The following DENND4C variants were observed in gnomAD, a reference collection of about 807,000 sequenced individuals.
The protein encoded by DENND4C is DENN domain-containing protein 4C.
Under a neutral mutation model 203.0 loss-of-function variants are expected in DENND4C, and 108 were observed. The ratio of observed to expected loss-of-function variants is 0.53; its 90% CI spans 0.46 to 0.62. DENND4C has a LOEUF of 0.62. Among genes scored for constraint, DENND4C ranks in the 20% least tolerant of loss-of-function variants. DENND4C has a pLI of 0.00. For missense variants in DENND4C, 2,481 were observed against 2,301.2 expected, an observed-to-expected ratio of 1.08 and a Z score of -1.60; for synonymous variants, 871 against 792.4, an observed-to-expected ratio of 1.10 and a Z score of -1.67.
chr9:19,253,961 T>C (rs1827283455), intron 1 of DENND4C, among the ~76,000 whole-genome samples: 1 of 152,170 alleles, frequency 6.6e-6, no homozygotes, highest in Non-Finnish European at 1.5e-5. Context: ...CGCAACATAG[T>C]GAGATACCAT....
chr9:19,316,776 A>C lies in DENND4C; in HGVS notation c.1744A>C (p.Arg582=), dbSNP rs1486686274. 1 of 1,613,970 alleles carries C rather than the reference A, an allele frequency of 6.2e-7. No individual in the cohort carries two copies. Among genetic ancestry groups the C allele is most frequent in the Non-Finnish European group, 8.5e-7 (1 of 1,179,992 alleles). ...TTTAAAAGGATATAGAACATATCTC[A>C]GACCAATCACAGAGGCTCCTTCAAA... ...SILKGYRTYL[R]PITEAPSNKA... is the part of the protein sequence containing the mutation. The change falls in exon 12 of 33, where the codon AGA becomes CGA. Residue 582 remains arginine, a synonymous_variant. Transcript: ENST00000434457.
intron 10 of DENND4C, among the ~76,000 whole-genome samples, chr9:19,312,177 C>T (rs1288557836): frequency 6.6e-6 from 1 of 152,146 alleles, no homozygotes; most frequent in Non-Finnish European, 1.5e-5. Flanking sequence ...GATCTTGGCT[C>T]ACTGGAATGT....
At chr9:19,230,564 G>A (rs1820250488), upstream of DENND4C, 1 of 152,176 alleles carries the variant, frequency 6.6e-6, no homozygotes, top group South Asian at 2.1e-4. Context: ...CAGCTCCTAG[G>A]CGACGCGCCG....
intron 1 of DENND4C, among the ~76,000 whole-genome samples, 170 bp from the exon 2 acceptor site, chr9:19,275,988 C>G (rs1832834523): frequency 6.6e-6 from 1 of 152,170 alleles, no homozygotes; most frequent in Non-Finnish European, 1.5e-5. Flanking sequence ...TGTACTTTTG[C>G]TTTTACCAAC....
intron 1 of DENND4C, among the ~76,000 whole-genome samples, chr9:19,242,817 G>A (rs369377371): frequency 2.8e-4 from 43 of 151,970 alleles, no homozygotes; most frequent in East Asian, 1.2e-3. Context: ...CACCATGCCC[G>A]GCCATTTTTT....
intron 21 of DENND4C, among the ~76,000 whole-genome samples, chr9:19,341,573 G>A (rs536157622): frequency 6.6e-6 from 1 of 151,818 alleles, no homozygotes; most frequent in South Asian, 2.1e-4. Flanking sequence ...GCCTCCCAAA[G>A]TGCTGGGATT....
Position 19,342,763 on chromosome 9 carries a change from C to G in DENND4C, c.3135C>G (p.Ser1045Arg), listed in dbSNP as rs771701915. ...KVPSGIFDVN[S>R]RKSSTGSISN... ...CGTCTGGTATATTTGATGTCAACAG[C>G]AGGAAAAGTAGCACTGGTGAGTCTT... Residue 1045 changes from serine (S) to arginine (R), a missense_variant, in exon 22 of 33, where the codon AGC becomes AGG. By Grantham distance (110) the Ser-to-Arg change is moderately radical. This residue lies in a region of DENND4C where 2,289 missense variants were observed against 2,113.3 expected (regional missense o/e 1.08). Transcript: ENST00000434457. The G allele has an allele frequency of 1.2e-6, 2 of 1,604,328 alleles. No individual in the cohort carries two copies. Among genetic ancestry groups the G allele is most frequent in the Non-Finnish European group, 1.7e-6 (2 of 1,176,228 alleles).
Position 19,346,385 on chromosome 9 carries a change from G to C in DENND4C, c.3616G>C (p.Glu1206Gln). ...AACTACTGCAACAGTAGATACATAT[G>C]AGAGTCTACTAAGTGATAGTAACAG... ...PKTTATVDTYESLLSDSNSNQ... is the reference protein window; with the variant it reads ...PKTTATVDTYQSLLSDSNSNQ... Residue 1206 changes from glutamate to glutamine, a missense_variant, in exon 23 of 33, where the codon GAG becomes CAG. Glu to Gln is a conservative substitution (Grantham distance 29). Around this residue, in one of 3 missense-constraint regions of DENND4C, gnomAD observed 2,289 missense variants for 2,113.3 expected, o/e 1.08. Coordinates refer to ENST00000434457, the MANE Select transcript of DENND4C (RefSeq NM_001330640.2). The C allele has an allele frequency of 6.2e-7, 1 of 1,614,024 alleles. No homozygotes were observed. The highest frequency in any genetic ancestry group is 8.5e-7 in the Non-Finnish European group (1 of 1,179,964).
intron 18 of DENND4C, 101 bp from the exon 19 acceptor site, chr9:19,336,169 G>GTA (rs1820416372): frequency 1.3e-5 from 12 of 958,424 alleles, no homozygotes; most frequent in African/African-American, 2.5e-5. Context: ...TTTTATATTT[G>GTA]TGTATATATA....
At chr9:19,260,344 G>C (rs1204410343) in intron 1 of DENND4C, among the ~76,000 whole-genome samples, 2 of 148,302 alleles carry the variant, frequency 1.3e-5, no homozygotes, top group African/African-American at 2.5e-5. Context: ...TTTTCCTGTA[G>C]AGTTGTTTGA....
chr9:19,285,481 A>G (rs1835008174), intron 2 of DENND4C, among the ~76,000 whole-genome samples: 1 of 151,310 alleles, frequency 6.6e-6, no homozygotes, highest in Non-Finnish European at 1.5e-5. Context: ...CCCACCTTCT[A>G]CCCCTAGGTA....
chr9:19,237,035 T>C (rs543669640), intron 1 of DENND4C, among the ~76,000 whole-genome samples: 57 of 152,360 alleles, frequency 3.7e-4, no homozygotes, highest in African/African-American at 1.3e-3. Context: ...ACTTTTTTTT[T>C]TGGAGACGGA....
chr9:19,252,915 T>G (rs1024330564), intron 1 of DENND4C, among the ~76,000 whole-genome samples: 9 of 152,186 alleles, frequency 5.9e-5, no homozygotes, highest in African/African-American at 2.2e-4. Flanking sequence ...TTTTGTATTT[T>G]TAGTAGAGAT....
At chr9:19,231,215 C>T (rs1820457808) in intron 1 of DENND4C, among the ~76,000 whole-genome samples, 1 of 151,970 alleles carries the variant, frequency 6.6e-6, no homozygotes, top group African/African-American at 2.4e-5. Context: ...GGAGCAGGAT[C>T]GGGGCTTCCC....
chr9:19,288,498 T>C, intron 3 of DENND4C, 98 bp from the exon 4 acceptor site: 2 of 673,670 alleles, frequency 3.0e-6, no homozygotes, highest in Non-Finnish European at 4.2e-6. Flanking sequence ...TTAAATAGAC[T>C]CTTCTGAGTA....
At chr9:19,366,917 C>G (rs538519594) in intron 30 of DENND4C, among the ~76,000 whole-genome samples, 1 of 152,118 alleles carries the variant, frequency 6.6e-6, no homozygotes, top group South Asian at 2.1e-4. Context: ...AAAGGTCAAT[C>G]GACAGATTGG....
Position 19,342,669 on chromosome 9 carries a change from C to T in DENND4C, c.3041C>T (p.Ser1014Leu), listed in dbSNP as rs775568054. 3 of 1,610,006 alleles carry T rather than the reference C, an allele frequency of 1.9e-6. No homozygotes were observed. The South Asian group carries it at 3.3e-5, about 18-fold the overall frequency. The change falls in exon 22 of 33, where the codon TCA becomes TTA. Residue 1014 changes from serine (S) to leucine (L), a missense_variant. Ser to Leu is a moderately radical substitution (Grantham distance 145). Transcript: ENST00000434457. ...GCCTCTGCTATTGTGGCAAAACATT[C>T]ACAACCTAGTCCAGAGCCTCACAGT... ...CDASAIVAKH[S>L]QPSPEPHSPT...
intron 10 of DENND4C, among the ~76,000 whole-genome samples, chr9:19,310,752 T>G (rs1484872343): frequency 1.3e-5 from 2 of 152,156 alleles, no homozygotes; most frequent in Non-Finnish European, 2.9e-5. Flanking sequence ...GAGATGTGCC[T>G]CCTACAACTT....
In DENND4C at chr9:19,277,552, C is replaced by T. The variant is rs547024842; in HGVS notation, c.305+1073C>T. On this transcript the variant is annotated intron_variant, in intron 2 of 32. Transcript: ENST00000434457. ...TTGCCGAATTTATTAGTTCTAATAA[C>T]TTGTGGGTTCTTCGGGATTTTTTTA... is the stretch of plus-strand genomic sequence containing the variant. 2.0e-5 allele frequency among the ~76,000 whole-genome samples: 3 copies of T among 152,058 alleles called. No individual in the cohort carries two copies. In the East Asian group the frequency reaches 5.8e-4, roughly 29 times the overall value.
Sources: gnomAD v4.1 joint callset for allele counts (sites outside exome capture counted in the v4.1 genomes callset) on GRCh38, gnomAD v4.1.1 for gene constraint, gnomAD v4.1.1 regional missense constraint, MANE v1.5 for transcripts, NCBI Gene and HGNC (gene_info 2026-07-23, HGNC 2026-07-21) for gene names.